The following OTOG variants were observed in gnomAD, a reference collection of about 807,000 sequenced individuals.
The protein encoded by OTOG is otogelin.
OTOG carries 296 observed loss-of-function variants against 313.8 expected under a neutral mutation model. That is an observed-to-expected ratio of 0.94 (90% CI 0.86 to 1.04). The LOEUF (loss-of-function observed/expected upper bound fraction) is 1.04. Ranked by LOEUF, OTOG falls within the 50% of genes least tolerant of loss-of-function variation. The pLI, the probability that OTOG is intolerant of heterozygous loss-of-function variation, is 0.00. For missense variants in OTOG, 3,948 were observed against 3,840.1 expected, an observed-to-expected ratio of 1.03 and a Z score of -0.74; for synonymous variants, 1,533 against 1,554.9, an observed-to-expected ratio of 0.99 and a Z score of 0.33.
chr11:17,555,373 G>A (rs1164192171), intron 6 of OTOG, among the ~76,000 whole-genome samples: 1 of 152,128 alleles, frequency 6.6e-6, no homozygotes, highest in Non-Finnish European at 1.5e-5. Context: ...TATGGGGTGT[G>A]TATAGATGTG....
In OTOG at chr11:17,640,838, C is replaced by T. The variant is rs924648491; in HGVS notation, c.8011+18C>T. 1.5e-5 allele frequency: 23 copies of T among 1,550,062 alleles called. No homozygotes were observed. Among genetic ancestry groups the T allele is most frequent in the African/African-American group, 2.7e-5 (2 of 73,048 alleles). On this transcript the variant is annotated intron_variant, in intron 50 of 55. Transcript: ENST00000399397. ...CGAGTGTGGTGAGTGGGGGAAGCCT[C>T]GGGGCAGAGCCATGCAGGAGGGGCA...
At chr11:17,560,592 C>A (rs1442426607) in intron 12 of OTOG, 117 bp from the exon 13 acceptor site, 2 of 726,012 alleles carry the variant, frequency 2.8e-6, no homozygotes, top group South Asian at 1.8e-5. Flanking sequence ...GTTTGGAAGT[C>A]GGTTCAGAGA....
Position 17,558,246 on chromosome 11 carries a change from G to T in OTOG, c.927G>T (p.Gln309His), listed in dbSNP as rs1314096542. ...VHSWQEQAPN[Q>H]PPGPTTSSLP... ...GCTGGCAGGAGCAGGCCCCTAACCAGCCTCCAGGGCCCACAACTTCCTCCC... is the reference window on the plus strand; with the variant it reads ...GCTGGCAGGAGCAGGCCCCTAACCATCCTCCAGGGCCCACAACTTCCTCCC... Residue 309 changes from glutamine to histidine, a missense_variant, in exon 9 of 56, where the codon CAG (glutamine) becomes CAT (histidine). Coordinates refer to ENST00000399397, the MANE Select transcript of OTOG (RefSeq NM_001292063.2). 3.2e-6 allele frequency: 5 copies of T among 1,550,464 alleles called. No individual in the cohort carries two copies. Among genetic ancestry groups the T allele is most frequent in the Non-Finnish European group, 4.4e-6 (5 of 1,146,956 alleles).
At chr11:17,574,488 T>G (rs1852473227) in intron 19 of OTOG, among the ~76,000 whole-genome samples, 1 of 152,138 alleles carries the variant, frequency 6.6e-6, no homozygotes, top group Admixed American at 6.5e-5. Flanking sequence ...CAGGCTGAAC[T>G]TGGTAGAAGG....
rs1851846620 is a variant in OTOG at position 17,548,007 on chromosome 11, G to A, written c.155+20G>A. On this transcript the variant is annotated intron_variant, in intron 2 of 55. Transcript: ENST00000399397. ...ACCCAGGTGAGTAGGTGTGAGCTGT[G>A]GCGGCCCCACCCACAGCTCCCATCC... 4.6e-6 allele frequency: 4 copies of A among 866,248 alleles called. No homozygotes were observed. The South Asian group carries it at 9.5e-5, about 21-fold the overall frequency. The allele number at this position is 866,248 out of a possible 1,614,324, so 53.7% of individuals were successfully genotyped here.
chr11:17,556,635 A>G (rs1369464954), intron 7 of OTOG, among the ~76,000 whole-genome samples: 1 of 152,200 alleles, frequency 6.6e-6, no homozygotes, highest in African/African-American at 2.4e-5. Context: ...CTAGTTAGAC[A>G]GTACTTTTGT....
At chr11:17,624,979 A>AACAACATAAGCTTCTGACTCTT (rs1853950798) in intron 39 of OTOG, among the ~76,000 whole-genome samples, 1 of 152,180 alleles carries the variant, frequency 6.6e-6, no homozygotes. Context: ...GTATATAGGA[A>AACAACATAAGCTTCTGACTCTT]TACTAGTGAT....
chr11:17,627,642 T>A (rs184203057), intron 39 of OTOG, among the ~76,000 whole-genome samples: 2 of 152,078 alleles, frequency 1.3e-5, no homozygotes, highest in Admixed American at 1.3e-4. Flanking sequence ...TCTCTAATAG[T>A]GTGAGTAGGA....
chr11:17,559,081 G>A lies in OTOG; in HGVS notation c.1133G>A (p.Arg378Gln), dbSNP rs1051708966. ...ATGGGTGATGTAGCCACCTGGTGCC[G>A]GGCACTGGCGGAGTATGCCCGGGCG... is the stretch of plus-strand genomic sequence containing the variant. ...QSMGDVATWC[R>Q]ALAEYARACA... The change falls in exon 11 of 56, where the codon CGG (arginine) becomes CAG (glutamine). Residue 378 changes from arginine (R) to glutamine (Q), a missense_variant. Coordinates refer to ENST00000399397, the MANE Select transcript of OTOG (RefSeq NM_001292063.2). 30 of 1,547,456 alleles carry A rather than the reference G, an allele frequency of 1.9e-5. No individual in the cohort carries two copies. In the East Asian group the frequency reaches 3.9e-4, roughly 20 times the overall value.
chr11:17,575,221 G>A (rs1852498157), intron 20 of OTOG, among the ~76,000 whole-genome samples: 1 of 152,238 alleles, frequency 6.6e-6, no homozygotes, highest in African/African-American at 2.4e-5. Context: ...TTTCTGGTAT[G>A]TTCCAGACAT....
intron 42 of OTOG, among the ~76,000 whole-genome samples, chr11:17,633,114 A>G (rs1854170637): frequency 6.6e-6 from 1 of 152,270 alleles, no homozygotes; most frequent in Admixed American, 6.5e-5. Flanking sequence ...CATGGGCCCC[A>G]CAATCAGAGA....
At chr11:17,644,077 G>T (rs998717508) in intron 54 of OTOG, among the ~76,000 whole-genome samples, 1 of 152,266 alleles carries the variant, frequency 6.6e-6, no homozygotes, top group Non-Finnish European at 1.5e-5. Context: ...GGGCAAGGGA[G>T]GGGGAGGGCC....
intron 39 of OTOG, among the ~76,000 whole-genome samples, chr11:17,622,414 A>G (rs1328249175): frequency 6.6e-6 from 1 of 152,196 alleles, no homozygotes. Context: ...TTAAATGTAT[A>G]ATTAAATTAC....
intron 31 of OTOG, among the ~76,000 whole-genome samples, chr11:17,601,959 C>T (rs540715653): frequency 6.6e-6 from 1 of 152,258 alleles, no homozygotes; most frequent in East Asian, 1.9e-4. Flanking sequence ...CGCCTTCTTC[C>T]TTGGCTCCCT....
rs544318852 is a variant in OTOG at position 17,555,793 on chromosome 11, G to A, written c.555G>A (p.Pro185=). 63 of 1,550,384 alleles carry A rather than the reference G, an allele frequency of 4.1e-5. No homozygotes were observed. Among genetic ancestry groups the A allele is most frequent in the South Asian group, 2.0e-4 (17 of 84,056 alleles). The change falls in exon 7 of 56, where the codon CCG becomes CCA. Residue 185 remains proline (P), a synonymous_variant. Transcript: ENST00000399397. ...TCCCTACTCAGGTACACAATGACCC[G>A]CAGTGTGGCTCTTCACCCTACACCT... ...QSFSIQVHND[P]QCGSSPYTCS... is the part of the protein sequence containing the mutation.
At chr11:17,574,988 A>G in intron 20 of OTOG, 76 bp downstream of exon 20, 1 of 1,368,186 alleles carries the variant, frequency 7.3e-7, no homozygotes, top group Non-Finnish European at 9.6e-7. Flanking sequence ...GAGACTGGGG[A>G]ACCTGGCTGG....
At chr11:17,573,538 A>C (rs1213338607) in intron 19 of OTOG, among the ~76,000 whole-genome samples, 1 of 152,004 alleles carries the variant, frequency 6.6e-6, no homozygotes, top group African/African-American at 2.4e-5. Context: ...AGTCCATCTC[A>C]AGTCCTGTCA....
At chr11:17,564,585 T>G (rs990956935) in intron 15 of OTOG, among the ~76,000 whole-genome samples, 1 of 152,112 alleles carries the variant, frequency 6.6e-6, no homozygotes, top group Non-Finnish European at 1.5e-5. Flanking sequence ...GGGGAGTGTG[T>G]GGGAGAGAAG....
At chr11:17,572,028 C>T in intron 17 of OTOG, 52 bp from the exon 18 acceptor site, 4 of 1,547,640 alleles carry the variant, frequency 2.6e-6, no homozygotes, top group Non-Finnish European at 3.5e-6. Flanking sequence ...CTATTTGTGC[C>T]CCCTGAGTCC....
Sources: gnomAD v4.1 joint callset for allele counts (sites outside exome capture counted in the v4.1 genomes callset) on GRCh38, gnomAD v4.1.1 for gene constraint, MANE v1.5 for transcripts, NCBI Gene and HGNC (gene_info 2026-07-23, HGNC 2026-07-21) for gene names.